SLC36A4: variants seen among roughly 807,000 people sequenced by gnomAD.
The protein encoded by SLC36A4 is neutral amino acid uniporter 4.
Under a neutral mutation model 50.5 loss-of-function variants are expected in SLC36A4, and 49 were observed. The ratio of observed to expected loss-of-function variants is 0.97; its 90% CI spans 0.77 to 1.23. The LOEUF is 1.23. Ranked by LOEUF, SLC36A4 falls within the 50% of genes most tolerant of loss-of-function variation. SLC36A4 has a pLI of 0.00. For missense variants in SLC36A4, 611 were observed against 608.4 expected (o/e 1.00, Z -0.05); for synonymous variants, 207 against 206.5 (o/e 1.00, Z -0.02).
intron 6 of SLC36A4, among the ~76,000 whole-genome samples, chr11:93,178,682 C>T (rs1481051090): frequency 2.6e-5 from 4 of 152,148 alleles, no homozygotes; most frequent in African/African-American, 9.7e-5. Context: ...TTTTATCAGT[C>T]ACGGGACATA....
At chr11:93,194,128 T>C (rs560673789) in intron 1 of SLC36A4, among the ~76,000 whole-genome samples, 1 of 152,142 alleles carries the variant, frequency 6.6e-6, no homozygotes, top group South Asian at 2.1e-4. Context: ...TAAGGGGAAG[T>C]AAATATATCA....
chr11:93,153,468 GC>G (rs1250333670), intron 10 of SLC36A4, among the ~76,000 whole-genome samples: 1 of 151,902 alleles, frequency 6.6e-6, no homozygotes, highest in Non-Finnish European at 1.5e-5. Flanking sequence ...CATGTAACTT[GC>G]CTAAAGACAC....
intron 6 of SLC36A4, chr11:93,180,327 T>A (rs1861679808): frequency 1.0e-6 from 1 of 985,296 alleles, no homozygotes; most frequent in Non-Finnish European, 1.2e-6. Flanking sequence ...AGAAAGTTTC[T>A]CAAAAAACTA....
chr11:93,168,568 T>C (rs1860989453), intron 6 of SLC36A4, among the ~76,000 whole-genome samples: 1 of 152,032 alleles, frequency 6.6e-6, no homozygotes. Flanking sequence ...GGCCACTGAG[T>C]ATTCTCCTCT....
chr11:93,147,447 G>C lies in SLC36A4; in HGVS notation c.*1090C>G, dbSNP rs1031375914. ...GGAAAGGAAGGTAATAATTAAAAAA[G>C]CTCAAGCCACAAATAGTATAGCTAG... On this transcript the variant is annotated 3_prime_UTR_variant, in exon 11 of 11. Transcript: ENST00000326402. The C allele has an allele frequency of 2.6e-5, 4 of 152,168 alleles. No individual in the cohort carries two copies. The highest frequency in any genetic ancestry group is 1.9e-4 in the East Asian group (1 of 5,158). 9.4% of individuals were successfully genotyped at this position (152,168 alleles called of 1,614,324 possible).
chr11:93,197,670 C>G, intron 1 of SLC36A4, 108 bp downstream of exon 1: 30 of 1,214,076 alleles, frequency 2.5e-5, no homozygotes, highest in Non-Finnish European at 3.4e-5. Flanking sequence ...AGCAATCGGG[C>G]CTCAACTCAG....
At chr11:93,159,094 A>T (rs978334381) in intron 9 of SLC36A4, among the ~76,000 whole-genome samples, 1 of 152,112 alleles carries the variant, frequency 6.6e-6, no homozygotes, top group Admixed American at 6.6e-5. Context: ...AGAAACTACA[A>T]CCATTCAACA....
chr11:93,173,948 A>G (rs1330885303), intron 6 of SLC36A4, among the ~76,000 whole-genome samples: 2 of 144,246 alleles, frequency 1.4e-5, no homozygotes, highest in African/African-American at 2.5e-5. Context: ...TTGGTTCCAT[A>G]TGAACTTTAA....
chr11:93,189,686 GT>G, intron 1 of SLC36A4, among the ~76,000 whole-genome samples: 1 of 152,072 alleles, frequency 6.6e-6, no homozygotes, highest in Non-Finnish European at 1.5e-5. Flanking sequence ...CATACTATCT[GT>G]CCTCAATAAA....
chr11:93,197,797 C>A lies in SLC36A4; in HGVS notation c.36G>T (p.Ala12=). ...ACCGACCTAGCTCCTCGCGCCTCGC[C>A]GCCCCGGCAGCCGCCGGCGTCGCCG... ...EAAATPAAAG[A]ARREELDMDV... is the part of the protein sequence containing the mutation. The change falls in exon 1 of 11, where the codon GCG becomes GCT. Residue 12 remains alanine, a synonymous_variant. Coordinates refer to ENST00000326402, the MANE Select transcript of SLC36A4 (RefSeq NM_152313.4). 6.3e-7 allele frequency: 1 copy of A among 1,586,000 alleles called. No homozygotes were observed. The highest frequency in any genetic ancestry group is 2.3e-5 in the East Asian group (1 of 42,964).
intron 9 of SLC36A4, among the ~76,000 whole-genome samples, chr11:93,161,666 C>A (rs1242308029): frequency 1.3e-5 from 2 of 152,186 alleles, no homozygotes; most frequent in Non-Finnish European, 2.9e-5. Context: ...TGCTTTTTCA[C>A]TAATATAGTA....
intron 1 of SLC36A4, among the ~76,000 whole-genome samples, chr11:93,191,612 C>T (rs1049354443): frequency 6.6e-6 from 1 of 152,164 alleles, no homozygotes; most frequent in Non-Finnish European, 1.5e-5. Context: ...CATTCATACT[C>T]TCTCTGGGAA....
At chr11:93,180,190 G>C in intron 6 of SLC36A4, 1 of 984,222 alleles carries the variant, frequency 1.0e-6, no homozygotes, top group South Asian at 4.7e-5. Context: ...AGTCATAAAA[G>C]TGCTTTATAG....
At chr11:93,170,724 T>C (rs1238256983) in intron 6 of SLC36A4, among the ~76,000 whole-genome samples, 1 of 152,004 alleles carries the variant, frequency 6.6e-6, no homozygotes, top group African/African-American at 2.4e-5. Context: ...TAGAGTATCT[T>C]AGAGTAAGAA....
chr11:93,171,529 A>G (rs1861134096), intron 6 of SLC36A4: 1 of 152,044 alleles, frequency 6.6e-6, no homozygotes. Context: ...TGAGCATAGT[A>G]CTTACTTTAC....
intron 1 of SLC36A4, among the ~76,000 whole-genome samples, chr11:93,196,609 T>C (rs1430199730): frequency 6.6e-6 from 1 of 152,158 alleles, no homozygotes. Context: ...CTTGTGATGA[T>C]CCGGCCGCCT....
intron 6 of SLC36A4, among the ~76,000 whole-genome samples, chr11:93,177,665 C>G (rs971539206): frequency 3.3e-5 from 5 of 152,162 alleles, no homozygotes; most frequent in African/African-American, 4.8e-5. Context: ...CTGGGTATCA[C>G]CAGCAAAGGC....
At chr11:93,179,849 C>A (rs1235182768) in intron 6 of SLC36A4, among the ~76,000 whole-genome samples, 1 of 152,176 alleles carries the variant, frequency 6.6e-6, no homozygotes, top group Non-Finnish European at 1.5e-5. Flanking sequence ...TGGCTGAACT[C>A]AGTAGTTACA....
chr11:93,160,367 C>T, intron 9 of SLC36A4: 1 of 985,338 alleles, frequency 1.0e-6, no homozygotes. Flanking sequence ...ACTAGGGTTT[C>T]CTCTAATGAA....
Sources: allele counts gnomAD v4.1 joint callset (sites outside exome capture counted in the v4.1 genomes callset), GRCh38; gene constraint gnomAD v4.1.1; transcripts MANE v1.5; gene names NCBI Gene and HGNC (gene_info 2026-07-23, HGNC 2026-07-21).